Variants in PCDH17 observed in about 807,000 individuals in gnomAD.
PCDH17 encodes protocadherin 17, also known as protocadherin-17.
In PCDH17, 21 loss-of-function variants were observed where a neutral mutation model predicts 67.7. That is an observed-to-expected ratio of 0.31 (90% CI 0.22 to 0.45). The LOEUF (loss-of-function observed/expected upper bound fraction) is 0.45. Among genes scored for constraint, PCDH17 ranks in the 20% least tolerant of loss-of-function variants. The pLI is 1.00. For synonymous variants in PCDH17, 701 were observed against 656.7 expected (o/e 1.07, Z -1.03); for missense variants, 1,471 against 1,564.8 (o/e 0.94, Z 1.01).
Position 57,666,644 on chromosome 13 carries a change from C to A in PCDH17, c.2625-17C>A, listed in dbSNP as rs754468876. On this transcript the variant is annotated splice_polypyrimidine_tract_variant and intron_variant, in intron 2 of 3. Transcript: ENST00000377918. The stretch of plus-strand genomic sequence containing the variant: ...AGAGACAACACTTTCTCTTCTTTTT[C>A]TTTATATGTATTTCAGTAGCTCCAC... 6.2e-7 allele frequency: 1 copy of A among 1,608,206 alleles called. No individual in the cohort carries two copies. Among genetic ancestry groups the A allele is most frequent in the South Asian group, 1.1e-5 (1 of 90,744 alleles).
intron 3 of PCDH17, among the ~76,000 whole-genome samples, chr13:57,701,443 G>T (rs968245932): frequency 6.6e-6 from 1 of 152,128 alleles, no homozygotes; most frequent in Admixed American, 6.6e-5. Context: ...TCTACTAAAG[G>T]ATTTCTAAAG....
chr13:57,639,146 G>A (rs1390906864), intron 1 of PCDH17, among the ~76,000 whole-genome samples: 1 of 151,796 alleles, frequency 6.6e-6, no homozygotes, highest in African/African-American at 2.4e-5. Context: ...CTTACTCTGT[G>A]CCTTCTGGAT....
At chr13:57,671,212 A>T (rs1027136780) in intron 3 of PCDH17, among the ~76,000 whole-genome samples, 1 of 151,908 alleles carries the variant, frequency 6.6e-6, no homozygotes, top group African/African-American at 2.4e-5. Flanking sequence ...CCATAATAGG[A>T]TATTACTTAA....
At chr13:57,721,634 C>T (rs1037384215) in intron 3 of PCDH17, among the ~76,000 whole-genome samples, 2 of 152,070 alleles carry the variant, frequency 1.3e-5, no homozygotes, top group African/African-American at 4.8e-5. Context: ...GAATACACCC[C>T]TTTTTGTCTT....
At chr13:57,684,148 A>G (rs9527683) in intron 3 of PCDH17, among the ~76,000 whole-genome samples, 21 of 151,850 alleles carry the variant, frequency 1.4e-4, no homozygotes, top group Admixed American at 3.3e-4. Context: ...GGAAAACAAC[A>G]CTATGTTTCT....
At chr13:57,655,257 T>A (rs562772702) in intron 1 of PCDH17, among the ~76,000 whole-genome samples, 3 of 152,118 alleles carry the variant, frequency 2.0e-5, no homozygotes, top group African/African-American at 4.8e-5. Flanking sequence ...TTTGTTGATA[T>A]TTTTAATTTC....
At chr13:57,658,802 C>T (rs566077004) in intron 1 of PCDH17, among the ~76,000 whole-genome samples, 2 of 107,540 alleles carry the variant, frequency 1.9e-5, no homozygotes, top group African/African-American at 5.5e-5. Flanking sequence ...TGTTTTGAGG[C>T]GGATTCTTGC....
chr13:57,717,015 TC>T (rs1955823015), intron 3 of PCDH17, among the ~76,000 whole-genome samples: 2 of 152,058 alleles, frequency 1.3e-5, no homozygotes, highest in South Asian at 4.1e-4. Context: ...GTATTGTTTT[TC>T]CTTGAAAGTC....
chr13:57,633,922 C>G lies in PCDH17; in HGVS notation c.1376C>G (p.Ala459Gly), dbSNP rs755006939. 1.2e-6 allele frequency: 2 copies of G among 1,613,392 alleles called. No homozygotes were observed. Among genetic ancestry groups the G allele is most frequent in the East Asian group, 2.2e-5 (1 of 44,838 alleles). ...SPPLNSTKSF[A>G]IKILDENDNP... ...CCCCTCAACTCCACCAAGTCGTTCG[C>G]GATCAAGATTCTAGACGAGAACGAC... The change falls in exon 1 of 4, where the codon GCG (alanine) becomes GGG (glycine). Residue 459 changes from alanine (A) to glycine (G), a missense_variant. By Grantham distance (60) the Ala-to-Gly change is moderately conservative. Coordinates refer to ENST00000377918, the MANE Select transcript of PCDH17 (RefSeq NM_001040429.3). The surrounding 1 kb of genome is among the most constrained non-coding windows in gnomAD (Gnocchi z 6.2).
chr13:57,698,723 T>C lies in PCDH17; in HGVS notation c.2798-25889T>C, dbSNP rs547914460. Among the ~76,000 whole-genome samples the C allele has an allele frequency of 7.6e-4, 116 of 152,086 alleles. No homozygotes were observed. In the Middle Eastern group the frequency reaches 0.01, roughly 13 times the overall value. The stretch of plus-strand genomic sequence containing the variant: ...ATTCATTCAGGTCATAGAGATATAA[T>C]GATCCGAAATGATGCCTAATAAAAT... On this transcript the variant is annotated intron_variant, in intron 3 of 3. Transcript: ENST00000377918.
chr13:57,725,092 C>A lies in PCDH17; in HGVS notation c.3278C>A (p.Ser1093Tyr), dbSNP rs1219971566. The change falls in exon 4 of 4, where the codon TCC becomes TAC. Residue 1093 changes from serine (S) to tyrosine (Y), a missense_variant. Ser to Tyr is a moderately radical substitution (Grantham distance 144). Transcript: ENST00000377918. ...CCAAGAGACCCTCCCTTCATGGCTTCCGATCAGATGGCAAGGGTCTTTGCA... is the reference window on the plus strand; with the variant it reads ...CCAAGAGACCCTCCCTTCATGGCTTACGATCAGATGGCAAGGGTCTTTGCA... ...KQPRDPPFMA[S>Y]DQMARVFADV... is the part of the protein sequence containing the mutation. 1 of 1,614,134 alleles carries A rather than the reference C, an allele frequency of 6.2e-7. No individual in the cohort carries two copies. The highest frequency in any genetic ancestry group is 1.3e-5 in the African/African-American group (1 of 75,040).
chr13:57,641,831 G>A (rs935421177), intron 1 of PCDH17, among the ~76,000 whole-genome samples: 7 of 150,638 alleles, frequency 4.6e-5, no homozygotes, highest in African/African-American at 1.5e-4. Context: ...GCATAATTAC[G>A]GGAAAACGAA....
chr13:57,683,842 T>C (rs1242301959), intron 3 of PCDH17, among the ~76,000 whole-genome samples: 1 of 151,896 alleles, frequency 6.6e-6, no homozygotes, highest in African/African-American at 2.4e-5. Flanking sequence ...TGCACTGATT[T>C]AAAAACCATC....
rs1300305548 is a variant in PCDH17 at position 57,634,759 on chromosome 13, G to A, written c.2213G>A (p.Arg738His). 6.2e-7 allele frequency: 1 copy of A among 1,614,034 alleles called. No homozygotes were observed. The change falls in exon 1 of 4, where the codon CGC becomes CAC. Residue 738 changes from arginine to histidine, a missense_variant. Transcript: ENST00000377918. This position sits in a 1 kb window ranked among gnomAD's most constrained non-coding sequence, Gnocchi z 7.8. Reference sequence around the variant, plus strand: ...TGCAAGCGCGAGAACAAGGAGATCCGCACTTACAACTGCCGCATCGCCGAG... The same window carrying A: ...TGCAAGCGCGAGAACAAGGAGATCCACACTTACAACTGCCGCATCGCCGAG... ...VKCKRENKEI[R>H]TYNCRIAEYS...
rs760388437 is a variant in PCDH17, at chr13:57,633,759, G to A, written c.1213G>A (p.Gly405Arg). The change falls in exon 1 of 4, where the codon GGG (glycine) becomes AGG (arginine). Residue 405 changes from glycine to arginine, a missense_variant. Physicochemically the swap from Gly to Arg is moderately radical, Grantham distance 125. Coordinates refer to ENST00000377918, the MANE Select transcript of PCDH17 (RefSeq NM_001040429.3). The surrounding 1 kb of genome is among the most constrained non-coding windows in gnomAD (Gnocchi z 6.2). The stretch of plus-strand genomic sequence containing the variant: ...GACGGGCGGCGGCGGGGGCCTGGGC[G>A]GGCCCGGGGGTTCCGTCCCCTTCAA... ...GGTGGGGGLG[G>R]PGGSVPFKLE... 3.0e-5 allele frequency: 48 copies of A among 1,589,342 alleles called. No homozygotes were observed. The highest frequency in any genetic ancestry group is 8.6e-5 in the Admixed American group (5 of 58,010).
chr13:57,643,120 A>G (rs186486695), intron 1 of PCDH17, among the ~76,000 whole-genome samples: 1 of 151,610 alleles, frequency 6.6e-6, no homozygotes, highest in East Asian at 1.9e-4. Context: ...GGCGACATAG[A>G]AATTGCATAT....
chr13:57,708,749 A>G (rs546059643), intron 3 of PCDH17, among the ~76,000 whole-genome samples: 31 of 152,100 alleles, frequency 2.0e-4, no homozygotes, highest in Non-Finnish European at 3.8e-4. Flanking sequence ...GGGGCAAACA[A>G]CAGATGTTGA....
intron 1 of PCDH17, among the ~76,000 whole-genome samples, chr13:57,644,711 A>G (rs1379492326): frequency 6.6e-6 from 1 of 151,576 alleles, no homozygotes; most frequent in African/African-American, 2.4e-5. Flanking sequence ...TGCTCTGGTT[A>G]AAGGTTATGT....
intron 3 of PCDH17, among the ~76,000 whole-genome samples, chr13:57,720,418 A>G (rs1955863035): frequency 6.6e-6 from 1 of 152,044 alleles, no homozygotes; most frequent in Non-Finnish European, 1.5e-5. Context: ...AGATTTATAC[A>G]TATGTGTACA....
Sources: gnomAD v4.1 joint callset for allele counts (sites outside exome capture counted in the v4.1 genomes callset) on GRCh38, gnomAD v4.1.1 for gene constraint, Gnocchi (gnomAD v3.1) non-coding constraint, MANE v1.5 for transcripts, NCBI Gene and HGNC (gene_info 2026-07-23, HGNC 2026-07-21) for gene names.